PRKN: variants seen among roughly 807,000 people sequenced by gnomAD.
PRKN encodes E3 ubiquitin-protein ligase parkin.
Under a neutral mutation model 59.5 loss-of-function variants are expected in PRKN, and 56 were observed. The ratio of observed to expected loss-of-function variants is 0.94; its 90% CI spans 0.76 to 1.18. The LOEUF is 1.18. PRKN is among the 50% of genes most tolerant of loss of function. PRKN has a pLI of 0.00. For missense variants in PRKN, 657 were observed against 596.4 expected (o/e 1.10, Z -1.06); for synonymous variants, 250 against 222.1 (o/e 1.13, Z -1.12).
chr6:161,474,583 T>A (rs1290188312), intron 9 of PRKN, among the ~76,000 whole-genome samples: 1 of 151,946 alleles, frequency 6.6e-6, no homozygotes, highest in East Asian at 1.9e-4. Context: ...AAATACCAAC[T>A]ATGTTCACCA....
At chr6:162,426,196 T>C (rs141348811) in intron 2 of PRKN, among the ~76,000 whole-genome samples, 27 of 152,264 alleles carry the variant, frequency 1.8e-4, no homozygotes, top group Admixed American at 6.5e-4. Flanking sequence ...AATAAAACTA[T>C]AGTAATATAA....
At chr6:161,908,395 T>A (rs1337039088) in intron 6 of PRKN, among the ~76,000 whole-genome samples, 1 of 152,214 alleles carries the variant, frequency 6.6e-6, no homozygotes, top group Non-Finnish European at 1.5e-5. Context: ...GATTGCCAGT[T>A]ACTTTGAGGG....
chr6:161,910,219 G>A (rs561919802), intron 6 of PRKN, among the ~76,000 whole-genome samples: 2 of 152,122 alleles, frequency 1.3e-5, no homozygotes, highest in Non-Finnish European at 2.9e-5. Context: ...GGAAGATGCC[G>A]TGAACATTGT....
chr6:161,903,090 AGATG>A (rs1777997471), intron 6 of PRKN, among the ~76,000 whole-genome samples: 1 of 152,202 alleles, frequency 6.6e-6, no homozygotes, highest in South Asian at 2.1e-4. Flanking sequence ...CTTTAAAGGC[AGATG>A]TCCGAAGTTG....
chr6:161,616,409 CTTTTTT>C (rs75076099), intron 7 of PRKN, among the ~76,000 whole-genome samples: 2 of 143,546 alleles, frequency 1.4e-5, no homozygotes, highest in Non-Finnish European at 3.1e-5. Flanking sequence ...TCCATGTGTT[CTTTTTT>C]TTTTTTTTAA....
intron 1 of PRKN, among the ~76,000 whole-genome samples, chr6:162,716,136 T>C (rs1367972766): frequency 6.6e-6 from 1 of 152,216 alleles, no homozygotes; most frequent in Non-Finnish European, 1.5e-5. Context: ...TAACATTTTC[T>C]TTTTTCAGCA....
At chr6:162,206,423 C>T (rs577842100) in intron 3 of PRKN, among the ~76,000 whole-genome samples, 2 of 152,272 alleles carry the variant, frequency 1.3e-5, no homozygotes, top group African/African-American at 4.8e-5. Flanking sequence ...TGGCATGAGG[C>T]GTCCCCCAAG....
chr6:161,929,365 G>T (rs1779083696), intron 6 of PRKN, among the ~76,000 whole-genome samples: 1 of 152,014 alleles, frequency 6.6e-6, no homozygotes, highest in African/African-American at 2.4e-5. Context: ...ACAGGGAAAT[G>T]GACTAACTGC....
At chr6:161,695,470 C>G (rs1003994583) in intron 7 of PRKN, among the ~76,000 whole-genome samples, 2 of 152,132 alleles carry the variant, frequency 1.3e-5, no homozygotes, top group African/African-American at 4.8e-5. Flanking sequence ...CAGTGTCTTC[C>G]CAAATCCACA....
chr6:161,573,418 G>A (rs1485385951), intron 7 of PRKN, among the ~76,000 whole-genome samples: 1 of 151,900 alleles, frequency 6.6e-6, no homozygotes, highest in African/African-American at 2.4e-5. Flanking sequence ...AAGACATATT[G>A]TCTTAAAAAT....
chr6:162,281,955 A>G (rs985393756), intron 2 of PRKN, among the ~76,000 whole-genome samples: 1 of 152,168 alleles, frequency 6.6e-6, no homozygotes, highest in Non-Finnish European at 1.5e-5. Flanking sequence ...TCTCGTAAGA[A>G]GCACACAGCC....
chr6:161,910,547 G>A (rs1440467348), intron 6 of PRKN, among the ~76,000 whole-genome samples: 3 of 152,260 alleles, frequency 2.0e-5, no homozygotes, highest in Non-Finnish European at 2.9e-5. Flanking sequence ...GAGCCACTGC[G>A]CCCGGCTGAA....
rs928992322 is a variant in PRKN, at chr6:161,527,953, T to TC, written c.1083+20900dup. Among the ~76,000 whole-genome samples, 13 of 152,028 alleles carry TC rather than the reference T, an allele frequency of 8.6e-5. No individual in the cohort carries two copies. The highest frequency in any genetic ancestry group is 2.9e-4 in the African/African-American group (12 of 41,398). On this transcript the variant is annotated intron_variant, in intron 9 of 11. Transcript: ENST00000366898. This position sits in a 1 kb window ranked among gnomAD's most constrained non-coding sequence, Gnocchi z 4.6. ...ACAGCACTGCTTTTAAACATTTCTT[T>TC]CCCCCCACTTAGTCCCCAGAGACTT... is the stretch of plus-strand genomic sequence containing the variant.
chr6:162,685,214 C>T (rs1779925012), intron 1 of PRKN, among the ~76,000 whole-genome samples: 1 of 152,118 alleles, frequency 6.6e-6, no homozygotes, highest in African/African-American at 2.4e-5. Context: ...GCATGTTGCA[C>T]AGATGTGTAC....
chr6:161,465,086 T>C (rs997441574), intron 9 of PRKN, among the ~76,000 whole-genome samples: 3 of 152,154 alleles, frequency 2.0e-5, no homozygotes, highest in Non-Finnish European at 4.4e-5. Flanking sequence ...CAGCTTGGAG[T>C]ATGCAAAAAG....
intron 1 of PRKN, among the ~76,000 whole-genome samples, chr6:162,649,498 G>C (rs1261159449): frequency 2.0e-5 from 3 of 152,110 alleles, no homozygotes; most frequent in African/African-American, 4.8e-5. Context: ...ACACGACCAT[G>C]CATCTGGCTA....
Position 161,412,845 on chromosome 6 carries a change from CCACT to C in PRKN, c.1084-25972_1084-25969del, listed in dbSNP as rs375681594. ...ACTCACTCCTTCCTCACTCATTCCT[CCACT>C]CACTCATTCTTTCCTCACTCATTCC... is the stretch of plus-strand genomic sequence containing the variant. On this transcript the variant is annotated intron_variant, in intron 9 of 11. Transcript: ENST00000366898. Among the ~76,000 whole-genome samples, 29 of 151,588 alleles carry C rather than the reference CCACT, an allele frequency of 1.9e-4. No individual in the cohort carries two copies. The East Asian group carries it at 4.7e-3, about 24-fold the overall frequency.
chr6:161,854,291 T>G (rs947480961), intron 6 of PRKN, among the ~76,000 whole-genome samples: 13 of 149,746 alleles, frequency 8.7e-5, no homozygotes, highest in African/African-American at 2.2e-4. Flanking sequence ...AACAAACCAC[T>G]AAAAATTAAA....
At chr6:162,127,403 C>T (rs1184258256) in intron 4 of PRKN, among the ~76,000 whole-genome samples, 2 of 152,166 alleles carry the variant, frequency 1.3e-5, no homozygotes, top group African/African-American at 4.8e-5. Flanking sequence ...GTTAAAAATG[C>T]AAACCAAAGG....
Sources: gnomAD v4.1 joint callset for allele counts (sites outside exome capture counted in the v4.1 genomes callset) on GRCh38, gnomAD v4.1.1 for gene constraint, Gnocchi (gnomAD v3.1) non-coding constraint, MANE v1.5 for transcripts, NCBI Gene and HGNC (gene_info 2026-07-23, HGNC 2026-07-21) for gene names.